Variants in NBAS observed in about 807,000 individuals in gnomAD.
NBAS encodes NAG/BC035112 fusion.
In NBAS, 219 loss-of-function variants were observed where a neutral mutation model predicts 302.5. The observed-to-expected ratio is 0.72, with a 90% CI of 0.65 to 0.81. The LOEUF (loss-of-function observed/expected upper bound fraction) is 0.81. NBAS is among the 30% of genes least tolerant of loss of function. The pLI is 0.00. For missense variants in NBAS, 2,932 were observed against 2,841.6 expected (o/e 1.03, Z -0.72); for synonymous variants, 1,118 against 1,021.6 (o/e 1.09, Z -1.80).
At chr2:15,258,252 G>A (rs1280892629) in intron 44 of NBAS, among the ~76,000 whole-genome samples, 5 of 152,120 alleles carry the variant, frequency 3.3e-5, no homozygotes, top group Admixed American at 3.3e-4. Context: ...TGTGATGATT[G>A]CGTTAACTGT....
chr2:15,206,919 C>G (rs1362377719), intron 48 of NBAS, among the ~76,000 whole-genome samples: 1 of 152,182 alleles, frequency 6.6e-6, no homozygotes, highest in Non-Finnish European at 1.5e-5. Flanking sequence ...TAGGGCAATG[C>G]AGAGGGGAAA....
At chr2:14,917,487 T>C in the NBAS span, among the ~76,000 whole-genome samples, 1 of 152,218 alleles carries the variant, frequency 6.6e-6, no homozygotes, top group Admixed American at 6.5e-5. Context: ...GCCATCCCAT[T>C]ACCTTTGCCA....
chr2:15,425,949 T>C (rs767597488), intron 22 of NBAS, among the ~76,000 whole-genome samples: 1 of 152,122 alleles, frequency 6.6e-6, no homozygotes, highest in Non-Finnish European at 1.5e-5. Flanking sequence ...TCACCTTTGC[T>C]ACAGCATCCT....
At position 15,255,962 on chromosome 2, in the gene NBAS, T is replaced by C. The variant is rs1572537213; in HGVS notation, c.5725-17276A>G. ...GTTTTGGTAACTATTAATATAGCTT[T>C]ATAGTATAGTTTGAAGTTAGGTAAT... On this transcript the variant is annotated intron_variant, in intron 44 of 51. Coordinates refer to ENST00000281513, the MANE Select transcript of NBAS (RefSeq NM_015909.4). 2.0e-5 allele frequency among the ~76,000 whole-genome samples: 3 copies of C among 152,326 alleles called. No individual in the cohort carries two copies. The South Asian group carries it at 6.2e-4, about 32-fold the overall frequency.
chr2:15,389,565 A>T (rs1675486309), intron 28 of NBAS, among the ~76,000 whole-genome samples: 1 of 152,214 alleles, frequency 6.6e-6, no homozygotes, highest in South Asian at 2.1e-4. Flanking sequence ...TCCTAATATG[A>T]CTTCCTTACA....
At chr2:14,845,577 A>G in the NBAS span, among the ~76,000 whole-genome samples, 1 of 152,250 alleles carries the variant, frequency 6.6e-6, no homozygotes, top group African/African-American at 2.4e-5. Flanking sequence ...CCAGGGACCA[A>G]TCCTGGAGAA....
intron 5 of NBAS, among the ~76,000 whole-genome samples, chr2:15,552,861 C>A (rs1368731887): frequency 6.6e-6 from 1 of 150,512 alleles, no homozygotes; most frequent in South Asian, 2.1e-4. Context: ...GGCACAATCT[C>A]GGCTCACTGC....
intron 29 of NBAS, 144 bp downstream of exon 29, chr2:15,383,071 A>G (rs1217530172): frequency 1.5e-6 from 1 of 680,838 alleles, no homozygotes. Context: ...AAAGTGCTCA[A>G]CCTATAAAGC....
At chr2:14,896,318 T>A in the NBAS span, among the ~76,000 whole-genome samples, 1 of 152,188 alleles carries the variant, frequency 6.6e-6, no homozygotes, top group Non-Finnish European at 1.5e-5. Context: ...ATGTTCATTG[T>A]ATTCCAAATG....
chr2:14,793,765 A>G, the NBAS span, among the ~76,000 whole-genome samples: 2 of 152,218 alleles, frequency 1.3e-5, no homozygotes, highest in Non-Finnish European at 2.9e-5. Flanking sequence ...ATACCAAAAT[A>G]TAATTAAACT....
the NBAS span, among the ~76,000 whole-genome samples, chr2:14,822,438 C>G: frequency 6.6e-6 from 1 of 152,156 alleles, no homozygotes; most frequent in Non-Finnish European, 1.5e-5. Flanking sequence ...TTCATGGACT[C>G]TTCTGAGAGT....
chr2:15,086,064 G>T, the NBAS span, among the ~76,000 whole-genome samples: 1 of 152,080 alleles, frequency 6.6e-6, no homozygotes, highest in East Asian at 1.9e-4. Flanking sequence ...CTGGGGGACA[G>T]GTTTCCAGTC....
chr2:15,202,270 C>T (rs1253641292), intron 48 of NBAS, among the ~76,000 whole-genome samples: 1 of 152,184 alleles, frequency 6.6e-6, no homozygotes, highest in Non-Finnish European at 1.5e-5. Context: ...TTTTATTATA[C>T]CTGTAAACAT....
chr2:15,030,036 G>T, the NBAS span, among the ~76,000 whole-genome samples: 1 of 152,158 alleles, frequency 6.6e-6, no homozygotes, highest in Non-Finnish European at 1.5e-5. Context: ...GAACTTTTTA[G>T]CATGGAAAAA....
At chr2:15,406,450 T>C (rs969792852) in intron 25 of NBAS, among the ~76,000 whole-genome samples, 1 of 152,082 alleles carries the variant, frequency 6.6e-6, no homozygotes, top group South Asian at 2.1e-4. Context: ...AATAAAACCA[T>C]GCAAGTACTA....
intron 48 of NBAS, among the ~76,000 whole-genome samples, chr2:15,203,342 TACA>T (rs1473774192): frequency 6.6e-6 from 1 of 152,196 alleles, no homozygotes; most frequent in African/African-American, 2.4e-5. Context: ...ACAGGGCTGT[TACA>T]ACGTTTAGAT....
chr2:15,436,846 T>C (rs954546647), intron 21 of NBAS, among the ~76,000 whole-genome samples: 4 of 152,240 alleles, frequency 2.6e-5, no homozygotes, highest in Non-Finnish European at 5.9e-5. Context: ...TCATCGTTTT[T>C]GATTCGTTAG....
the NBAS span, among the ~76,000 whole-genome samples, chr2:14,969,994 C>T: frequency 2.6e-5 from 4 of 152,126 alleles, no homozygotes; most frequent in Non-Finnish European, 5.9e-5. Context: ...CAAACTTAAA[C>T]TTTTAGAAAT....
chr2:15,407,602 T>C (rs1383351152), intron 25 of NBAS, among the ~76,000 whole-genome samples: 2 of 152,266 alleles, frequency 1.3e-5, no homozygotes, highest in East Asian at 1.9e-4. Context: ...TACTGCAAAT[T>C]AAACCACAAG....
Sources: allele counts gnomAD v4.1 joint callset (sites outside exome capture counted in the v4.1 genomes callset), GRCh38; gene constraint gnomAD v4.1.1; transcripts MANE v1.5; gene names NCBI Gene and HGNC (gene_info 2026-07-23, HGNC 2026-07-21).